The following KRT35 variants were observed in gnomAD, a reference collection of about 807,000 sequenced individuals.
KRT35 encodes keratin 35.
KRT35 carries 33 observed loss-of-function variants against 42.2 expected under a neutral mutation model. The observed-to-expected ratio is 0.78, with a 90% CI of 0.59 to 1.05. KRT35 has a LOEUF of 1.05. KRT35 is among the 50% of genes least tolerant of loss of function. The pLI is 0.00. For missense variants in KRT35, 585 were observed against 589.2 expected (o/e 0.99, Z 0.07); for synonymous variants, 218 against 238.2 (o/e 0.92, Z 0.78).
intron 1 of KRT35, 75 bp from the exon 2 acceptor site, chr17:41,479,856 G>T: frequency 1.6e-6 from 2 of 1,246,090 alleles, no homozygotes; most frequent in Non-Finnish European, 2.3e-6. Context: ...GCTGACAAGG[G>T]CTGACTCTGG....
intron 1 of KRT35, among the ~76,000 whole-genome samples, chr17:41,480,031 G>T (rs1189212549): frequency 6.6e-6 from 1 of 152,172 alleles, no homozygotes; most frequent in East Asian, 1.9e-4. Flanking sequence ...AACAGGAAAG[G>T]CCTGGCATGA....
At chr17:41,479,123 T>C in intron 3 of KRT35, 128 bp from the exon 4 acceptor site, 15 of 1,048,370 alleles carry the variant, frequency 1.4e-5, no homozygotes, top group Non-Finnish European at 2.1e-5. Flanking sequence ...GCTCATCTGC[T>C]CCCCATGCCC....
chr17:41,477,123 G>A lies in KRT35; in HGVS notation c.1301C>T (p.Pro434Leu), dbSNP rs2019182116. 6.2e-7 allele frequency: 1 copy of A among 1,612,680 alleles called. No individual in the cohort carries two copies. Among genetic ancestry groups the A allele is most frequent in the African/African-American group, 1.3e-5 (1 of 74,872 alleles). The change falls in exon 7 of 7, where the codon CCT becomes CTT. Residue 434 changes from proline (P) to leucine (L), a missense_variant. By Grantham distance (98) the Pro-to-Leu change is moderately conservative (BLOSUM62 -3). Coordinates refer to ENST00000246639, the MANE Select transcript of KRT35 (RefSeq NM_002280.6). ...GCTGCAGTTTGTGCGGGCTGCACTA[G>A]GACCGCAGGAGGCCGCAGGAAGACA... ...LPCLPAASCGPSAARTNCSPR... is the reference protein window; with the variant it reads ...LPCLPAASCGLSAARTNCSPR...
Position 41,479,824 on chromosome 17 carries a change from C to A in KRT35, c.472-43G>T, listed in dbSNP as rs778966688. 8.4e-6 allele frequency: 13 copies of A among 1,540,536 alleles called. No individual in the cohort carries two copies. In the African/African-American group the frequency reaches 1.6e-4, roughly 19 times the overall value. ...TTATTTCATTGCAAGAAAGGACATTCCACTTGTTGGAGCTCCCTAAAGCTG... is the reference window on the plus strand; with the variant it reads ...TTATTTCATTGCAAGAAAGGACATTACACTTGTTGGAGCTCCCTAAAGCTG... On this transcript the variant is annotated intron_variant, in intron 1 of 6. Transcript: ENST00000246639.
intron 3 of KRT35, 100 bp downstream of exon 3, chr17:41,479,247 C>G: frequency 2.3e-6 from 3 of 1,296,730 alleles, no homozygotes; most frequent in Non-Finnish European, 3.1e-6. Context: ...TTCACCTCCC[C>G]CTATGCTCAC....
chr17:41,478,397 G>A lies in KRT35; in HGVS notation c.963C>T (p.Asn321=), dbSNP rs370429962. 1.6e-4 allele frequency: 259 copies of A among 1,613,978 alleles called. No individual in the cohort carries two copies. The highest frequency in any genetic ancestry group is 9.9e-4 in the African/African-American group (74 of 75,032). The change falls in exon 5 of 7, where the codon AAC becomes AAT. Residue 321 remains asparagine, a synonymous_variant. Transcript: ENST00000246639. ...AEIIELRRTV[N]ALEIELQAQH... ...GAGCCTGCAGCTCAATCTCCAGGGC[G>A]TTGACCGTGCGTCTCAGCTCGATGA...
At chr17:41,478,624 G>A in intron 4 of KRT35, 138 bp from the exon 5 acceptor site, 4 of 1,212,996 alleles carry the variant, frequency 3.3e-6, no homozygotes, top group Non-Finnish European at 3.5e-6. Flanking sequence ...ATACTGGAGG[G>A]CATTGTTGCT....
Position 41,477,158 on chromosome 17 carries a change from T to G in KRT35, c.1266A>C (p.Ser422=). 1 of 1,613,790 alleles carries G rather than the reference T, an allele frequency of 6.2e-7. No individual in the cohort carries two copies. Among genetic ancestry groups the G allele is most frequent in the Non-Finnish European group, 8.5e-7 (1 of 1,179,818 alleles). The change falls in exon 7 of 7, where the codon TCA becomes TCC. Residue 422 remains serine (S), a synonymous_variant. Coordinates refer to ENST00000246639, the MANE Select transcript of KRT35 (RefSeq NM_002280.6). ...AGGCCGCAGGAAGACAGGGAAGGCA[T>G]GACTTGGAGGGTGAGTAGTCAGGTG... is the stretch of plus-strand genomic sequence containing the variant. ...PCAPDYSPSK[S]CLPCLPAASC...
chr17:41,479,503 C>A lies in KRT35; in HGVS notation c.555G>T (p.Lys185Asn). 6.2e-7 allele frequency: 1 copy of A among 1,613,444 alleles called. No individual in the cohort carries two copies. The highest frequency in any genetic ancestry group is 8.5e-7 in the Non-Finnish European group (1 of 1,179,534). ...GCCGCAGGGACACCTCCGTCTCATA[C>A]CTGCAGGCATAGAACAGGGCACCTG... ...AKLAADDFRT[K>N]YETEVSLRQL... The change falls in exon 3 of 7, where the codon AAG becomes AAT. Residue 185 changes from lysine to asparagine, a missense_variant and splice_region_variant. By Grantham distance (94) the Lys-to-Asn change is moderately conservative. Coordinates refer to ENST00000246639, the MANE Select transcript of KRT35 (RefSeq NM_002280.6).
chr17:41,478,633 C>CA, intron 4 of KRT35, 147 bp from the exon 5 acceptor site: 2 of 1,183,304 alleles, frequency 1.7e-6, no homozygotes, highest in Non-Finnish European at 1.2e-6. Flanking sequence ...GGCATTGTTG[C>CA]TCAGAGGACA....
At chr17:41,477,417 C>T (rs1254054222) in intron 6 of KRT35, 101 bp downstream of exon 6, 4 of 1,504,452 alleles carry the variant, frequency 2.7e-6, no homozygotes, top group African/African-American at 1.4e-5. Flanking sequence ...GAGAACAGAA[C>T]TCCAGACTCC....
At chr17:41,479,059 T>G in intron 3 of KRT35, 64 bp from the exon 4 acceptor site, 2 of 1,497,858 alleles carry the variant, frequency 1.3e-6, no homozygotes, top group South Asian at 2.5e-5. Context: ...CACCTCCTCC[T>G]CATGTTCACC....
chr17:41,480,154 G>A (rs1217867497), intron 1 of KRT35, among the ~76,000 whole-genome samples: 4 of 152,188 alleles, frequency 2.6e-5, no homozygotes, highest in Non-Finnish European at 4.4e-5. Context: ...TCCCTCACAG[G>A]AGCCAGCTAT....
intron 3 of KRT35, 40 bp from the exon 4 acceptor site, chr17:41,479,035 CT>C: frequency 6.3e-7 from 1 of 1,575,728 alleles, no homozygotes; most frequent in Non-Finnish European, 8.6e-7. Flanking sequence ...TCCCAGAGGG[CT>C]GCCTCCAAGG....
Position 41,480,748 on chromosome 17 carries a change from T to G in KRT35, c.350A>C (p.Gln117Pro). Residue 117 changes from glutamine (Q) to proline (P), a missense_variant, in exon 1 of 7, where the codon CAG becomes CCG. By Grantham distance (76) the Gln-to-Pro change is moderately conservative. Coordinates refer to ENST00000246639, the MANE Select transcript of KRT35 (RefSeq NM_002280.6). ...CAGGCTGGCGTTCTCCTGCTCCAGCTGACGCACCTTCTCCAGGTAGCCGGC... is the reference window on the plus strand; with the variant it reads ...CAGGCTGGCGTTCTCCTGCTCCAGCGGACGCACCTTCTCCAGGTAGCCGGC... ...RLAGYLEKVRQLEQENASLES... is the reference protein window; with the variant it reads ...RLAGYLEKVRPLEQENASLES... 1 of 1,614,228 alleles carries G rather than the reference T, an allele frequency of 6.2e-7. No individual in the cohort carries two copies. The highest frequency in any genetic ancestry group is 8.5e-7 in the Non-Finnish European group (1 of 1,180,032).
chr17:41,478,491 A>G lies in KRT35; in HGVS notation c.874-5T>C. 1 of 1,613,482 alleles carries G rather than the reference A, an allele frequency of 6.2e-7. No homozygotes were observed. The highest frequency in any genetic ancestry group is 8.5e-7 in the Non-Finnish European group (1 of 1,179,616). Reference sequence around the variant, plus strand: ...CTGCTGGTTCAGCTCCTCACTCTGAAACATACACACACAGAACCTGGTCAG... The same window carrying G: ...CTGCTGGTTCAGCTCCTCACTCTGAGACATACACACACAGAACCTGGTCAG... On this transcript the variant is annotated splice_polypyrimidine_tract_variant and splice_region_variant and intron_variant, in intron 4 of 6. Coordinates refer to ENST00000246639, the MANE Select transcript of KRT35 (RefSeq NM_002280.6).
At chr17:41,479,958 G>A (rs2019231722) in intron 1 of KRT35, among the ~76,000 whole-genome samples, 177 bp from the exon 2 acceptor site, 1 of 152,152 alleles carries the variant, frequency 6.6e-6, no homozygotes. Context: ...GAAAGTCCAG[G>A]GTTTCTTCCA....
rs1337407843 is a variant in KRT35 at position 41,479,397 on chromosome 17, C to T, written c.661G>A (p.Val221Met). 4 of 1,614,070 alleles carry T rather than the reference C, an allele frequency of 2.5e-6. No homozygotes were observed. The highest frequency in any genetic ancestry group is 2.2e-5 in the East Asian group (1 of 44,884). ...TLCKSDLEAQ[V>M]ESLKEELLCL... ...AGCAGCTCCTCCTTCAGGGACTCCA[C>T]CTGGGCCTCCAGGTCAGACTTGCAC... The change falls in exon 3 of 7, where the codon GTG (valine) becomes ATG (methionine). Residue 221 changes from valine (V) to methionine (M), a missense_variant. Val to Met is a conservative substitution (Grantham distance 21). Transcript: ENST00000246639.
In KRT35 at chr17:41,481,075, G is replaced by T. The variant is rs757694818; in HGVS notation, c.23C>A (p.Ala8Asp). 6.2e-7 allele frequency: 1 copy of T among 1,609,126 alleles called. No homozygotes were observed. The highest frequency in any genetic ancestry group is 1.7e-5 in the Admixed American group (1 of 58,948). The change falls in exon 1 of 7, where the codon GCC (alanine) becomes GAC (aspartate). Residue 8 changes from alanine (A) to aspartate (D), a missense_variant. Coordinates refer to ENST00000246639, the MANE Select transcript of KRT35 (RefSeq NM_002280.6). ...CTTGAGAGACCCAGAAGAGAAGCCGGCCTTGAGGCATTTGGAAGCCATGGC... is the reference window on the plus strand; with the variant it reads ...CTTGAGAGACCCAGAAGAGAAGCCGTCCTTGAGGCATTTGGAAGCCATGGC... MASKCLK[A>D]GFSSGSLKSP... is the part of the protein sequence containing the mutation.
Sources: allele counts gnomAD v4.1 joint callset (sites outside exome capture counted in the v4.1 genomes callset), GRCh38; gene constraint gnomAD v4.1.1; transcripts MANE v1.5; gene names NCBI Gene and HGNC (gene_info 2026-07-23, HGNC 2026-07-21).